The following CHID1 variants were observed in gnomAD, a reference collection of about 807,000 sequenced individuals.
CHID1 encodes the protein chitinase domain containing 1, also known as chitinase domain-containing protein 1.
In CHID1, 44 loss-of-function variants were observed where a neutral mutation model predicts 55.4. The ratio of observed to expected loss-of-function variants is 0.79; its 90% confidence interval spans 0.62 to 1.02. CHID1 has a LOEUF of 1.02. CHID1 is among the 50% of genes least tolerant of loss of function. CHID1 has a pLI of 0.00. For missense variants in CHID1, 491 were observed against 515.3 expected, an observed-to-expected ratio of 0.95 and a Z score of 0.46; for synonymous variants, 216 against 212.9, an observed-to-expected ratio of 1.01 and a Z score of -0.13.
chr11:888,771 G>A (rs1169494096), intron 8 of CHID1, among the ~76,000 whole-genome samples: 6 of 151,502 alleles, frequency 4.0e-5, no homozygotes, highest in East Asian at 3.9e-4. Flanking sequence ...ACTGGACCCC[G>A]GGCCCACACC....
intron 8 of CHID1, among the ~76,000 whole-genome samples, chr11:884,484 A>C (rs1850250493): frequency 6.6e-6 from 1 of 152,132 alleles, no homozygotes; most frequent in South Asian, 2.1e-4. Flanking sequence ...GAGAGTGGCC[A>C]AGAGGATGGG....
Position 908,698 on chromosome 11 carries a change from G to A in CHID1, c.-44+2077C>T, listed in dbSNP as rs547754965. Reference sequence around the variant, plus strand: ...AAAAACCAAACGGTGGTTCTCCAGGGGACTGGCCCAGGAGTAACTGGAGGG... The same window carrying A: ...AAAAACCAAACGGTGGTTCTCCAGGAGACTGGCCCAGGAGTAACTGGAGGG... On this transcript the variant is annotated intron_variant, in intron 1 of 12. Transcript: ENST00000323578. The A allele has an allele frequency of 4.1e-4, 326 of 789,596 alleles. 1 individual carries two copies. In the African/African-American group the frequency reaches 5.7e-3, roughly 14 times the overall value. 48.9% of individuals were successfully genotyped at this position (789,596 alleles called of 1,614,324 possible).
chr11:893,205 T>G (rs1181202078), intron 8 of CHID1, among the ~76,000 whole-genome samples: 1 of 152,172 alleles, frequency 6.6e-6, no homozygotes, highest in East Asian at 1.9e-4. Context: ...TCTGTCCACT[T>G]GGCCCCCAGG....
At chr11:874,949 GGAGT>G (rs1849404800) in intron 10 of CHID1, 1 of 152,356 alleles carries the variant, frequency 6.6e-6, no homozygotes, top group African/African-American at 2.4e-5. Flanking sequence ...TCTGGCCTCA[GGAGT>G]GTGTGTCGAG....
upstream of CHID1, chr11:914,309 G>A (rs1852837810): frequency 8.7e-6 from 2 of 230,638 alleles, no homozygotes; most frequent in Admixed American, 1.2e-4. Context: ...CTTACCCGGG[G>A]TGGGTGTGGA....
intron 10 of CHID1, chr11:882,845 C>A (rs757869657): frequency 3.2e-6 from 1 of 313,274 alleles, no homozygotes; most frequent in Non-Finnish European, 5.9e-6. Flanking sequence ...CCAGGAGGCC[C>A]CGGCCCGGCC....
intron 9 of CHID1, among the ~76,000 whole-genome samples, chr11:883,754 G>A (rs528761684): frequency 3.7e-4 from 56 of 152,224 alleles, no homozygotes; most frequent in Non-Finnish European, 2.6e-4. Context: ...TGTGTCACAC[G>A]GCCCTCCCAC....
intron 7 of CHID1, among the ~76,000 whole-genome samples, chr11:897,824 C>CG (rs1565192798): frequency 6.6e-6 from 1 of 151,260 alleles, no homozygotes; most frequent in African/African-American, 2.4e-5. Flanking sequence ...ATCCAGTGGG[C>CG]AACCACATTG....
At chr11:894,310 T>C (rs1851095186) in intron 7 of CHID1, among the ~76,000 whole-genome samples, 1 of 152,024 alleles carries the variant, frequency 6.6e-6, no homozygotes, top group East Asian at 1.9e-4. Flanking sequence ...TTAGGCCTCC[T>C]CTGGCCCCTG....
intron 8 of CHID1, among the ~76,000 whole-genome samples, chr11:891,237 C>T (rs570404591): frequency 1.3e-5 from 2 of 152,138 alleles, no homozygotes; most frequent in Non-Finnish European, 1.5e-5. Context: ...GTGGAGCGGG[C>T]GCACAACAGC....
chr11:911,960 A>C (rs1227407756), upstream of CHID1, among the ~76,000 whole-genome samples: 2 of 152,240 alleles, frequency 1.3e-5, no homozygotes, highest in Non-Finnish European at 2.9e-5. Flanking sequence ...CCATGGCAAC[A>C]TCCAACTTCT....
chr11:900,915 C>A, intron 5 of CHID1, 21 bp downstream of exon 5: 2 of 1,595,476 alleles, frequency 1.3e-6, no homozygotes, highest in Non-Finnish European at 1.7e-6. Context: ...AGGGCCTCCA[C>A]TCCTGGCCTG....
At position 891,512 on chromosome 11, in the gene CHID1, G is replaced by A. The variant is rs181125251; in HGVS notation, c.701+1915C>T. On this transcript the variant is annotated intron_variant, in intron 8 of 12. Coordinates refer to ENST00000323578, the MANE Select transcript of CHID1 (RefSeq NM_023947.4). Reference sequence around the variant, plus strand: ...AGAGGCTGCCACCAGCAGAAGACAGGCACCTGGTCCTCTGCCCCAGCCTCA... The same window carrying A: ...AGAGGCTGCCACCAGCAGAAGACAGACACCTGGTCCTCTGCCCCAGCCTCA... 2.3e-3 allele frequency among the ~76,000 whole-genome samples: 345 copies of A among 152,284 alleles called. 1 individual carries two copies. The highest frequency in any genetic ancestry group is 7.9e-3 in the African/African-American group (330 of 41,566).
chr11:896,130 C>T (rs1054332764), intron 7 of CHID1, among the ~76,000 whole-genome samples: 6 of 150,416 alleles, frequency 4.0e-5, no homozygotes, highest in Admixed American at 6.6e-5. Context: ...CCCCCAGCCT[C>T]CACCCCAGAC....
upstream of CHID1, chr11:914,839 C>A (rs781419609): frequency 2.7e-5 from 9 of 330,880 alleles, no homozygotes; most frequent in Non-Finnish European, 4.7e-5. Flanking sequence ...GGGGTCGCGG[C>A]GGCTCTGGGC....
chr11:893,356 C>T, intron 8 of CHID1, 71 bp downstream of exon 8: 1 of 1,316,158 alleles, frequency 7.6e-7, no homozygotes, highest in Non-Finnish European at 1.1e-6. Flanking sequence ...CTTTGGCCGA[C>T]ACCCTGCACT....
At chr11:879,709 A>G (rs1223799421) in intron 10 of CHID1, among the ~76,000 whole-genome samples, 2 of 152,228 alleles carry the variant, frequency 1.3e-5, no homozygotes, top group African/African-American at 4.8e-5. Context: ...CTCAAGGCCA[A>G]CACCTGTCTC....
At chr11:910,192 G>A (rs1021556845) in intron 1 of CHID1, among the ~76,000 whole-genome samples, 1 of 152,144 alleles carries the variant, frequency 6.6e-6, no homozygotes, top group Non-Finnish European at 1.5e-5. Flanking sequence ...AGTTTGGACA[G>A]TCAGCAATGG....
upstream of CHID1, among the ~76,000 whole-genome samples, chr11:911,697 A>G (rs1006945617): frequency 2.0e-5 from 3 of 151,864 alleles, no homozygotes; most frequent in African/African-American, 7.3e-5. Flanking sequence ...CCTTCCCGGT[A>G]TTTTCTGCCA....
Sources: allele counts gnomAD v4.1 joint callset (sites outside exome capture counted in the v4.1 genomes callset), GRCh38; gene constraint gnomAD v4.1.1; transcripts MANE v1.5; gene names NCBI Gene and HGNC (gene_info 2026-07-23, HGNC 2026-07-21).